Variants in FAM151B observed in about 807,000 individuals in gnomAD.
FAM151B encodes the protein family with sequence similarity 151 member B.
FAM151B carries 24 observed loss-of-function variants against 31.2 expected under a neutral mutation model. The ratio of observed to expected loss-of-function variants is 0.77; its 90% CI spans 0.56 to 1.08. The LOEUF (loss-of-function observed/expected upper bound fraction) is 1.08. FAM151B is among the 50% of genes least tolerant of loss of function. FAM151B has a pLI of 0.00. For synonymous variants in FAM151B, 105 were observed against 111.4 expected, an observed-to-expected ratio of 0.94 and a Z score of 0.36; for missense variants, 293 against 328.6, an observed-to-expected ratio of 0.89 and a Z score of 0.84.
At chr5:80,533,749 CAAA>C (rs71601590) in intron 5 of FAM151B, among the ~76,000 whole-genome samples, 5 of 67,526 alleles carry the variant, frequency 7.4e-5, no homozygotes, top group Non-Finnish European at 1.1e-4. Flanking sequence ...GACTCCATCT[CAAA>C]AAAAAAAAAA....
intron 1 of FAM151B, chr5:80,500,371 G>GC (rs754919997): frequency 1.6e-4 from 190 of 1,209,332 alleles, no homozygotes; most frequent in Admixed American, 2.0e-4. Flanking sequence ...TTCCTGCTGT[G>GC]CCAGAAACCC....
At chr5:80,536,724 G>T (rs553067473) in intron 5 of FAM151B, among the ~76,000 whole-genome samples, 2 of 152,144 alleles carry the variant, frequency 1.3e-5, no homozygotes, top group Non-Finnish European at 2.9e-5. Context: ...CCATAAAAAA[G>T]AATGAGATCC....
chr5:80,500,070 A>G (rs534587505), intron 1 of FAM151B: 12 of 227,584 alleles, frequency 5.3e-5, no homozygotes, highest in African/African-American at 7.0e-5. Context: ...ATTCAGCCCT[A>G]AAGAAGAATG....
At chr5:80,521,939 C>A in intron 4 of FAM151B, 64 bp from the exon 5 acceptor site, 2 of 1,254,906 alleles carry the variant, frequency 1.6e-6, no homozygotes, top group Non-Finnish European at 2.2e-6. Context: ...GTAATTTAGT[C>A]TTTTATTTAA....
At chr5:80,508,396 G>A (rs1396222638) in intron 2 of FAM151B, among the ~76,000 whole-genome samples, 3 of 151,782 alleles carry the variant, frequency 2.0e-5, no homozygotes, top group African/African-American at 4.8e-5. Context: ...CTAGCAGTGT[G>A]GATAAGGGTT....
intron 3 of FAM151B, among the ~76,000 whole-genome samples, chr5:80,515,609 T>C (rs1744404854): frequency 6.6e-6 from 1 of 152,194 alleles, no homozygotes; most frequent in African/African-American, 2.4e-5. Context: ...TGCTAGCAGC[T>C]AGCACAAAAG....
At chr5:80,510,212 G>A (rs1246181625) in intron 2 of FAM151B, among the ~76,000 whole-genome samples, 2 of 152,166 alleles carry the variant, frequency 1.3e-5, no homozygotes, top group African/African-American at 4.8e-5. Context: ...GGCTTAGGAC[G>A]TTCATGTAGC....
chr5:80,538,454 CTTTCTTTCTTTCTT>C (rs1745668832), intron 5 of FAM151B, among the ~76,000 whole-genome samples: 1 of 62,962 alleles, frequency 1.6e-5, no homozygotes, highest in African/African-American at 5.9e-5. Context: ...CTTTCTCTTT[CTTTCTTTCTTTCTT>C]TCTTTCTTTC....
chr5:80,529,780 C>T (rs571775522), intron 5 of FAM151B, among the ~76,000 whole-genome samples: 11 of 152,106 alleles, frequency 7.2e-5, no homozygotes, highest in African/African-American at 1.2e-4. Context: ...CAGGACGAGA[C>T]GGATTCACAG....
rs879250560 is a variant in FAM151B, at chr5:80,541,908, T to C, written c.*76T>C. On this transcript the variant is annotated 3_prime_UTR_variant, in exon 6 of 6. Transcript: ENST00000282226. ...CCATTGGTCTGAATTAATTACCATA[T>C]AAATTATGGTTATTGATTGACGTTC... The C allele has an allele frequency of 3.6e-6, 5 of 1,407,876 alleles. No homozygotes were observed. In the South Asian group the frequency reaches 5.4e-5, roughly 15 times the overall value. 87.2% of individuals were successfully genotyped at this position (1,407,876 alleles called of 1,614,324 possible).
At chr5:80,535,121 A>T (rs1745432732) in intron 5 of FAM151B, among the ~76,000 whole-genome samples, 1 of 152,202 alleles carries the variant, frequency 6.6e-6, no homozygotes, top group Non-Finnish European at 1.5e-5. Context: ...AAATGGAGAG[A>T]TATTCCATGT....
intron 2 of FAM151B, among the ~76,000 whole-genome samples, chr5:80,503,701 A>G (rs1224846719): frequency 6.6e-6 from 1 of 152,196 alleles, no homozygotes; most frequent in Non-Finnish European, 1.5e-5. Flanking sequence ...TTGTATAATA[A>G]TAGTATATAC....
At chr5:80,500,544 C>T (rs1010998494) in intron 1 of FAM151B, 9 of 756,640 alleles carry the variant, frequency 1.2e-5, no homozygotes, top group Admixed American at 1.7e-5. Flanking sequence ...TTTTGAATGG[C>T]AAGGATGGCG....
At chr5:80,530,876 G>A (rs559769803) in intron 5 of FAM151B, among the ~76,000 whole-genome samples, 1 of 152,186 alleles carries the variant, frequency 6.6e-6, no homozygotes, top group East Asian at 1.9e-4. Flanking sequence ...CACAGAATTG[G>A]AAAAAACTAC....
intron 3 of FAM151B, among the ~76,000 whole-genome samples, chr5:80,517,125 G>A (rs1264323418): frequency 2.0e-5 from 3 of 151,968 alleles, no homozygotes; most frequent in African/African-American, 4.8e-5. Flanking sequence ...GGGTGAGTAC[G>A]GTACAGTATG....
intron 2 of FAM151B, chr5:80,511,186 ATGTGGCCGGG>A (rs1051816743): frequency 2.0e-5 from 3 of 152,174 alleles, no homozygotes; most frequent in African/African-American, 7.2e-5. Flanking sequence ...AAAAGAAAAA[ATGTGGCCGGG>A]TGTGGTGGCT....
At chr5:80,491,435 C>CTTCAT (rs1743326811) in intron 1 of FAM151B, among the ~76,000 whole-genome samples, 1 of 152,114 alleles carries the variant, frequency 6.6e-6, no homozygotes, top group Non-Finnish European at 1.5e-5. Context: ...ATTGCCCAGG[C>CTTCAT]TGGTCTCGAA....
intron 1 of FAM151B, among the ~76,000 whole-genome samples, chr5:80,496,753 C>G (rs925620424): frequency 6.1e-5 from 9 of 148,044 alleles, no homozygotes; most frequent in African/African-American, 1.5e-4. Context: ...CCAGGGAAAT[C>G]GAGGGAAGAG....
chr5:80,521,658 C>G (rs1259586305), intron 4 of FAM151B, among the ~76,000 whole-genome samples: 2 of 152,042 alleles, frequency 1.3e-5, no homozygotes, highest in Admixed American at 6.6e-5. Flanking sequence ...AATAATGATG[C>G]AGGTGTACCT....
Sources: allele counts gnomAD v4.1 joint callset (sites outside exome capture counted in the v4.1 genomes callset), GRCh38; gene constraint gnomAD v4.1.1; transcripts MANE v1.5; gene names NCBI Gene and HGNC (gene_info 2026-07-23, HGNC 2026-07-21).